The following ELOVL6 variants were observed in gnomAD, a reference collection of about 807,000 sequenced individuals.
ELOVL6 encodes ELOVL fatty acid elongase 6, also known as very long chain fatty acid elongase 6.
A neutral mutation model predicts 31.7 loss-of-function variants in ELOVL6; 8 were observed. The ratio of observed to expected loss-of-function variants is 0.25; its 90% CI spans 0.15 to 0.45. ELOVL6 has a LOEUF of 0.45. Among genes scored for constraint, ELOVL6 ranks in the 20% least tolerant of loss-of-function variants. The pLI is 1.00. For synonymous variants in ELOVL6, 101 were observed against 117.7 expected, an observed-to-expected ratio of 0.86 and a Z score of 0.92; for missense variants, 126 against 326.4, an observed-to-expected ratio of 0.39 and a Z score of 4.73.
chr4:110,164,559 G>A (rs1449305847), intron 1 of ELOVL6, among the ~76,000 whole-genome samples: 1 of 151,842 alleles, frequency 6.6e-6, no homozygotes, highest in East Asian at 2.0e-4. Context: ...AGGCAACGTG[G>A]CGAAAGCCCA....
At chr4:110,113,702 G>T (rs1035625021) in intron 1 of ELOVL6, among the ~76,000 whole-genome samples, 1 of 152,198 alleles carries the variant, frequency 6.6e-6, no homozygotes, top group Non-Finnish European at 1.5e-5. Context: ...TGTTTTGTTT[G>T]AGAGTATTGA....
At position 110,171,364 on chromosome 4, in the gene ELOVL6, G is replaced by A. The variant is rs181629877; in HGVS notation, c.89+26883C>T. Among the ~76,000 whole-genome samples the A allele has an allele frequency of 5.7e-3, 874 of 152,018 alleles. 8 individuals carry two copies. Among genetic ancestry groups the A allele is most frequent in the African/African-American group, 0.016 (673 of 41,440 alleles). ...TCAGAGGTTGCAGTGAGCCAAGATC[G>A]CGCCATTGCACTCCAGCCTGGGCAA... On this transcript the variant is annotated intron_variant, in intron 1 of 3. Transcript: ENST00000302274.
At chr4:110,176,570 C>T (rs1250830192) in intron 1 of ELOVL6, among the ~76,000 whole-genome samples, 1 of 152,196 alleles carries the variant, frequency 6.6e-6, no homozygotes, top group Non-Finnish European at 1.5e-5. Flanking sequence ...TGAGAGTATA[C>T]ATTTTTGTGC....
chr4:110,165,715 T>G (rs1277669192), intron 1 of ELOVL6, among the ~76,000 whole-genome samples: 1 of 151,978 alleles, frequency 6.6e-6, no homozygotes, highest in Non-Finnish European at 1.5e-5. Context: ...AACTATAAAA[T>G]AACAATTATG....
chr4:110,127,383 G>A (rs184396462), intron 1 of ELOVL6, among the ~76,000 whole-genome samples: 74 of 133,674 alleles, frequency 5.5e-4, no homozygotes, highest in African/African-American at 2.0e-3. Context: ...TTCCAGCCTG[G>A]GTGACAGAGC....
chr4:110,117,903 A>AAAAAAAAAAAATAT, intron 1 of ELOVL6: 3 of 6,502 alleles, frequency 4.6e-4, no homozygotes, highest in African/African-American at 9.8e-4. Flanking sequence ...AAAAAAAAAA[A>AAAAAAAAAAAATAT]ATATATATAT....
chr4:110,185,921 G>T (rs755786595), intron 1 of ELOVL6, among the ~76,000 whole-genome samples: 2 of 152,168 alleles, frequency 1.3e-5, no homozygotes, highest in South Asian at 2.1e-4. Context: ...GCTGGGCACG[G>T]TGGCTCACAC....
rs1258252221 is a variant in ELOVL6 at position 110,045,999 on chromosome 4, T to C, written c.*5339A>G. 1 of 152,192 alleles carries C rather than the reference T, an allele frequency of 6.6e-6. No homozygotes were observed. The highest frequency in any genetic ancestry group is 2.4e-5 in the African/African-American group (1 of 41,444). The allele number at this position is 152,192 out of a possible 1,614,324, so 9.4% of individuals were successfully genotyped here. ...AGGCTTATATGGGTGGGCTTCCATA[T>C]GAATATGGGCTCTGAGGTCCCCAAG... On this transcript the variant is annotated 3_prime_UTR_variant, in exon 4 of 4. Transcript: ENST00000302274.
intron 1 of ELOVL6, among the ~76,000 whole-genome samples, chr4:110,149,792 C>T (rs1026246902): frequency 6.6e-6 from 1 of 152,088 alleles, no homozygotes; most frequent in African/African-American, 2.4e-5. Flanking sequence ...TATTTATCTG[C>T]CTACATAGAA....
chr4:110,112,556 C>G (rs1172723699), intron 1 of ELOVL6, among the ~76,000 whole-genome samples: 2 of 152,282 alleles, frequency 1.3e-5, no homozygotes, highest in East Asian at 3.9e-4. Flanking sequence ...CCTTGCTGCT[C>G]TAGTTAGCAA....
At chr4:110,131,781 A>G (rs1205806704) in intron 1 of ELOVL6, among the ~76,000 whole-genome samples, 1 of 152,226 alleles carries the variant, frequency 6.6e-6, no homozygotes, top group Non-Finnish European at 1.5e-5. Flanking sequence ...AGACAGTTCT[A>G]GATGCTGGTG....
intron 1 of ELOVL6, among the ~76,000 whole-genome samples, chr4:110,189,334 C>A (rs1381149892): frequency 6.6e-6 from 1 of 151,880 alleles, no homozygotes; most frequent in Admixed American, 6.6e-5. Flanking sequence ...CGCCTGTAGT[C>A]CCAAAACTTT....
chr4:110,186,882 CAT>C lies in ELOVL6; in HGVS notation c.89+11363_89+11364del, dbSNP rs1357194292. Among the ~76,000 whole-genome samples the C allele has an allele frequency of 6.9e-5, 9 of 130,888 alleles. No individual in the cohort carries two copies. The South Asian group carries it at 7.3e-4, about 11-fold the overall frequency. The allele number at this position is 130,888 out of a possible 152,430, so 85.9% of individuals were successfully genotyped here. On this transcript the variant is annotated intron_variant, in intron 1 of 3. Coordinates refer to ENST00000302274, the MANE Select transcript of ELOVL6 (RefSeq NM_024090.3). Reference sequence around the variant, plus strand: ...ACACACAAATATATACATATATACACATATATATATACATATATATGGAATGT... The same window carrying C: ...ACACACAAATATATACATATATACACATATATATACATATATATGGAATGT...
intron 1 of ELOVL6, among the ~76,000 whole-genome samples, chr4:110,188,886 T>C (rs1408076388): frequency 7.0e-6 from 1 of 142,846 alleles, no homozygotes; most frequent in Non-Finnish European, 1.5e-5. Context: ...TGAAACTCGG[T>C]CTCAAAAAAA....
intron 1 of ELOVL6, among the ~76,000 whole-genome samples, chr4:110,164,850 T>A (rs1758727079): frequency 6.6e-6 from 1 of 151,998 alleles, no homozygotes; most frequent in African/African-American, 2.4e-5. Context: ...GGGAATTTCT[T>A]TTTTTTGAGA....
intron 1 of ELOVL6, among the ~76,000 whole-genome samples, chr4:110,111,218 G>A (rs564561118): frequency 1.5e-4 from 23 of 152,078 alleles, no homozygotes; most frequent in Middle Eastern, 3.4e-3. Flanking sequence ...GGTGCATTCC[G>A]TTTTTGTATT....
At chr4:110,068,393 A>G (rs1325499886) in intron 2 of ELOVL6, among the ~76,000 whole-genome samples, 6 of 152,194 alleles carry the variant, frequency 3.9e-5, no homozygotes, top group African/African-American at 1.4e-4. Flanking sequence ...TGGAGCACAG[A>G]GAAGCTATCT....
In ELOVL6 at chr4:110,105,505, T is replaced by G. The variant is rs1381452057; in HGVS notation, c.213A>C (p.Ala71=). The G allele has an allele frequency of 6.2e-7, 1 of 1,611,182 alleles. No homozygotes were observed. The highest frequency in any genetic ancestry group is 8.5e-7 in the Non-Finnish European group (1 of 1,179,084). The change falls in exon 2 of 4, where the codon GCA becomes GCC. Residue 71 remains alanine (A), a synonymous_variant. Coordinates refer to ENST00000302274, the MANE Select transcript of ELOVL6 (RefSeq NM_024090.3). ...KPLVLWSLTL[A]VFSIFGALRT... Reference sequence around the variant, plus strand: ...AAATGAAAAAAACCTACCTGAAGACTGCAAGGGTCAGAGACCAGAGCACTA... The same window carrying G: ...AAATGAAAAAAACCTACCTGAAGACGGCAAGGGTCAGAGACCAGAGCACTA...
intron 1 of ELOVL6, among the ~76,000 whole-genome samples, chr4:110,153,184 ACTTTCTGGTAT>A (rs1268370060): frequency 6.6e-6 from 1 of 152,210 alleles, no homozygotes; most frequent in Non-Finnish European, 1.5e-5. Flanking sequence ...CATTATGAAA[ACTTTCTGGTAT>A]CACTGTTAAG....
Sources: gnomAD v4.1 joint callset for allele counts (sites outside exome capture counted in the v4.1 genomes callset) on GRCh38, gnomAD v4.1.1 for gene constraint, MANE v1.5 for transcripts, NCBI Gene and HGNC (gene_info 2026-07-23, HGNC 2026-07-21) for gene names.